The following ZNF829 variants were observed in gnomAD, a reference collection of about 807,000 sequenced individuals.
The protein encoded by ZNF829 is zinc finger protein 829.
Under a neutral mutation model 35.2 loss-of-function variants are expected in ZNF829, and 25 were observed. That is an observed-to-expected ratio of 0.71 (90% CI 0.52 to 0.99). The LOEUF is 0.99. Ranked by LOEUF, ZNF829 falls within the 50% of genes least tolerant of loss-of-function variation. The pLI is 0.00. For synonymous variants in ZNF829, 136 were observed against 163.2 expected (o/e 0.83, Z 1.27); for missense variants, 417 against 515.3 (o/e 0.81, Z 1.85).
In ZNF829 at chr19:36,888,452, CACCT is replaced by C. The variant is rs1439877786; in HGVS notation, c.*3036_*3039del. On this transcript the variant is annotated 3_prime_UTR_variant, in exon 6 of 6. Coordinates refer to ENST00000391711, the MANE Select transcript of ZNF829 (RefSeq NM_001037232.4). ...AATTTATACACCCATTTTCTGTTCCCACCTACCACACTAAATTCTTGTGATCTTT... is the reference window on the plus strand; with the variant it reads ...AATTTATACACCCATTTTCTGTTCCCACCACACTAAATTCTTGTGATCTTT... 1 of 152,156 alleles carries C rather than the reference CACCT, an allele frequency of 6.6e-6. No individual in the cohort carries two copies. Among genetic ancestry groups the C allele is most frequent in the Admixed American group, 6.5e-5 (1 of 15,282 alleles). 9.4% of individuals were successfully genotyped at this position (152,156 alleles called of 1,614,324 possible). A position where few individuals can be genotyped will look rare whatever the true frequency, so the allele number is the denominator to read the frequency against.
At chr19:36,900,121 C>T (rs1003226078) in intron 5 of ZNF829, among the ~76,000 whole-genome samples, 1 of 149,482 alleles carries the variant, frequency 6.7e-6, no homozygotes, top group Non-Finnish European at 1.5e-5. Flanking sequence ...GCCTGGCCAA[C>T]ATGGTAAAAC....
chr19:36,892,017 A>G lies in ZNF829; in HGVS notation c.774T>C (p.His258=). The G allele has an allele frequency of 1.9e-6, 3 of 1,613,846 alleles. No individual in the cohort carries two copies. The highest frequency in any genetic ancestry group is 2.5e-6 in the Non-Finnish European group (3 of 1,179,848). Residue 258 remains histidine, a synonymous_variant, in exon 6 of 6, where the codon CAT becomes CAC. Coordinates refer to ENST00000391711, the MANE Select transcript of ZNF829 (RefSeq NM_001037232.4). ...AFKYCSNLND[H]QRIHTGEKPY... ...GTTTCTCACCAGTGTGAATTCTCTGATGATCATTAAGGTTTGAGCAATACT... is the reference window on the plus strand; with the variant it reads ...GTTTCTCACCAGTGTGAATTCTCTGGTGATCATTAAGGTTTGAGCAATACT...
intron 5 of ZNF829, among the ~76,000 whole-genome samples, chr19:36,895,971 A>C (rs2073108585): frequency 1.3e-5 from 2 of 152,118 alleles, no homozygotes; most frequent in Non-Finnish European, 2.9e-5. Context: ...GTTCGAGACC[A>C]GCCTTCCCAA....
intron 5 of ZNF829, among the ~76,000 whole-genome samples, chr19:36,895,882 T>C (rs2073107103): frequency 6.6e-6 from 1 of 152,098 alleles, no homozygotes; most frequent in Admixed American, 6.5e-5. Flanking sequence ...AAAAGAGAGA[T>C]AGGGCTGGGC....
At chr19:36,912,129 G>A (rs573375657) in intron 3 of ZNF829, among the ~76,000 whole-genome samples, 4 of 151,628 alleles carry the variant, frequency 2.6e-5, no homozygotes, top group South Asian at 2.1e-4. Flanking sequence ...AGCTCAGGGC[G>A]AGGAAATCAA....
chr19:36,906,142 A>G (rs2073213649), intron 5 of ZNF829: 1 of 152,238 alleles, frequency 6.6e-6, no homozygotes, highest in Admixed American at 6.5e-5. Flanking sequence ...CTAGAATATA[A>G]CATAGGAAAT....
chr19:36,896,324 G>A (rs1479180814), intron 5 of ZNF829, among the ~76,000 whole-genome samples: 5 of 146,492 alleles, frequency 3.4e-5, no homozygotes, highest in African/African-American at 5.1e-5. Flanking sequence ...AAAAAAGAAA[G>A]AAAAAAAAAT....
rs2073022955 is a variant in ZNF829, at chr19:36,888,834, ACTATCTCAGCTCACTG to A, written c.*2642_*2657del. ...GTTGCCCAGGCTGGAGTGCAATGGC[ACTATCTCAGCTCACTG>A]CAACCTCCGCTTCTCAGGTTCAAGT... On this transcript the variant is annotated 3_prime_UTR_variant, in exon 6 of 6. Coordinates refer to ENST00000391711, the MANE Select transcript of ZNF829 (RefSeq NM_001037232.4). 1 of 152,222 alleles carries A rather than the reference ACTATCTCAGCTCACTG, an allele frequency of 6.6e-6. No individual in the cohort carries two copies. Among genetic ancestry groups the A allele is most frequent in the South Asian group, 2.1e-4 (1 of 4,822 alleles). The allele number at this position is 152,222 out of a possible 1,614,324, so 9.4% of individuals were successfully genotyped here.
At chr19:36,897,429 G>A (rs1302604248) in intron 5 of ZNF829, among the ~76,000 whole-genome samples, 1 of 152,106 alleles carries the variant, frequency 6.6e-6, no homozygotes, top group Non-Finnish European at 1.5e-5. Context: ...TGATGTATCA[G>A]ATCAACAGGA....
rs1261024854 is a variant in ZNF829, at chr19:36,890,345, G to C, written c.*1147C>G. The C allele has an allele frequency of 6.6e-6, 1 of 152,192 alleles. No homozygotes were observed. The highest frequency in any genetic ancestry group is 1.5e-5 in the Non-Finnish European group (1 of 68,106). The allele number at this position is 152,192 out of a possible 1,614,324, so 9.4% of individuals were successfully genotyped here. A position where few individuals can be genotyped will look rare whatever the true frequency, so the allele number is the denominator to read the frequency against. Reference sequence around the variant, plus strand: ...GATTTCTGTCCCAGTGATCTGTCTAGTGCTGTCAATGGAGTGGTGAAGTCC... The same window carrying C: ...GATTTCTGTCCCAGTGATCTGTCTACTGCTGTCAATGGAGTGGTGAAGTCC... On this transcript the variant is annotated 3_prime_UTR_variant, in exon 6 of 6. Coordinates refer to ENST00000391711, the MANE Select transcript of ZNF829 (RefSeq NM_001037232.4).
intron 3 of ZNF829, among the ~76,000 whole-genome samples, chr19:36,911,812 G>A (rs1268667622): frequency 6.6e-6 from 1 of 152,124 alleles, no homozygotes; most frequent in Non-Finnish European, 1.5e-5. Flanking sequence ...CCCAATAAAG[G>A]GACAAAGTGA....
chr19:36,895,064 T>G (rs1349570761), intron 5 of ZNF829, among the ~76,000 whole-genome samples: 2 of 152,004 alleles, frequency 1.3e-5, no homozygotes, highest in Non-Finnish European at 2.9e-5. Flanking sequence ...AAGTCACATA[T>G]AAGGGAACCC....
chr19:36,896,496 C>T (rs961630210), intron 5 of ZNF829, among the ~76,000 whole-genome samples: 3 of 151,780 alleles, frequency 2.0e-5, no homozygotes, highest in African/African-American at 7.3e-5. Context: ...AAAACAACAA[C>T]AAAAAAAGGT....
intron 5 of ZNF829, among the ~76,000 whole-genome samples, chr19:36,896,319 AG>A (rs2073112769): frequency 6.8e-6 from 1 of 147,728 alleles, no homozygotes; most frequent in Non-Finnish European, 1.5e-5. Context: ...AAAAAAAAAA[AG>A]AAAGAAAAAA....
Position 36,915,259 on chromosome 19 carries a change from C to T in ZNF829, c.-84-8G>A. 3 of 1,607,220 alleles carry T rather than the reference C, an allele frequency of 1.9e-6. No homozygotes were observed. Among genetic ancestry groups the T allele is most frequent in the Non-Finnish European group, 2.5e-6 (3 of 1,176,864 alleles). ...AGACCTCAGAGAGGTTTCCTAGAGACAGAGTTCTGGAGTCACAATCGCATA... is the reference window on the plus strand; with the variant it reads ...AGACCTCAGAGAGGTTTCCTAGAGATAGAGTTCTGGAGTCACAATCGCATA... On this transcript the variant is annotated splice_polypyrimidine_tract_variant and splice_region_variant and intron_variant, in intron 1 of 5. Transcript: ENST00000391711.
In ZNF829 at chr19:36,888,397, CTACAA is replaced by C; in HGVS notation, c.*3090_*3094del. 6.6e-6 allele frequency: 1 copy of C among 152,296 alleles called. No homozygotes were observed. Among genetic ancestry groups the C allele is most frequent in the East Asian group, 1.9e-4 (1 of 5,170 alleles). The allele number at this position is 152,296 out of a possible 1,614,324, so 9.4% of individuals were successfully genotyped here. The stretch of plus-strand genomic sequence containing the variant: ...CTCCTTGCCCTGATGATATCTGTCT[CTACAA>C]TATCCAGTACTCCCACGTCAATAAA... On this transcript the variant is annotated 3_prime_UTR_variant, in exon 6 of 6. Coordinates refer to ENST00000391711, the MANE Select transcript of ZNF829 (RefSeq NM_001037232.4).
At chr19:36,910,495 A>G (rs2146248872) in intron 3 of ZNF829, among the ~76,000 whole-genome samples, 1 of 152,366 alleles carries the variant, frequency 6.6e-6, no homozygotes, top group East Asian at 1.9e-4. Flanking sequence ...TAAGACTGTC[A>G]TAATTATTCC....
intron 5 of ZNF829, among the ~76,000 whole-genome samples, chr19:36,900,155 C>A (rs1400059824): frequency 1.5e-5 from 1 of 67,418 alleles, no homozygotes; most frequent in Non-Finnish European, 4.3e-5. Context: ...AACACACACA[C>A]ACACACACAC....
At chr19:36,895,826 T>TC (rs1349874158) in intron 5 of ZNF829, among the ~76,000 whole-genome samples, 2 of 152,170 alleles carry the variant, frequency 1.3e-5, no homozygotes, top group Non-Finnish European at 2.9e-5. Context: ...TTATAGGCAC[T>TC]CAACACTGCA....
Sources: gnomAD v4.1 joint callset for allele counts (sites outside exome capture counted in the v4.1 genomes callset) on GRCh38, gnomAD v4.1.1 for gene constraint, MANE v1.5 for transcripts, NCBI Gene and HGNC (gene_info 2026-07-23, HGNC 2026-07-21) for gene names.